PPP2R2B: variants seen among roughly 807,000 people sequenced by gnomAD.
PPP2R2B encodes protein phosphatase 2 regulatory subunit Bbeta.
PPP2R2B carries 5 observed loss-of-function variants against 46.0 expected under a neutral mutation model. The ratio of observed to expected loss-of-function variants is 0.11; its 90% CI spans 0.06 to 0.23. The LOEUF is 0.23. Ranked by LOEUF, PPP2R2B falls within the 10% of genes least tolerant of loss-of-function variation. PPP2R2B has a pLI of 1.00. For missense variants in PPP2R2B, 367 were observed against 575.0 expected, an observed-to-expected ratio of 0.64 and a Z score of 3.70; for synonymous variants, 215 against 206.7, an observed-to-expected ratio of 1.04 and a Z score of -0.34.
intron 1 of PPP2R2B, among the ~76,000 whole-genome samples, chr5:146,937,349 A>T (rs1203993280): frequency 2.0e-5 from 3 of 151,296 alleles, no homozygotes; most frequent in Non-Finnish European, 4.4e-5. Context: ...ACAGATAGAT[A>T]GGTAGTAAGT....
At chr5:146,726,412 G>C (rs970142341) in intron 2 of PPP2R2B, among the ~76,000 whole-genome samples, 6 of 152,114 alleles carry the variant, frequency 3.9e-5, no homozygotes, top group Admixed American at 2.0e-4. Context: ...TTGGGATTGT[G>C]CAGAAGGGGA....
intron 1 of PPP2R2B, among the ~76,000 whole-genome samples, chr5:146,897,124 G>A (rs922112908): frequency 3.9e-5 from 6 of 152,156 alleles, no homozygotes; most frequent in African/African-American, 1.4e-4. Flanking sequence ...AGTGAACGAT[G>A]CATTTCATGT....
chr5:146,655,547 A>G (rs1776270405), intron 5 of PPP2R2B, among the ~76,000 whole-genome samples: 3 of 152,216 alleles, frequency 2.0e-5, no homozygotes, highest in Non-Finnish European at 2.9e-5. Flanking sequence ...TTAACTTGGT[A>G]GATGTTACAA....
chr5:146,658,710 T>C (rs1581811071), intron 5 of PPP2R2B, among the ~76,000 whole-genome samples: 1 of 152,212 alleles, frequency 6.6e-6, no homozygotes, highest in East Asian at 1.9e-4. Flanking sequence ...AAGAAAGATA[T>C]AGAAGATGTA....
chr5:146,953,227 TCTC>T (rs2151836824), intron 1 of PPP2R2B, among the ~76,000 whole-genome samples: 1 of 152,322 alleles, frequency 6.6e-6, no homozygotes, highest in African/African-American at 2.4e-5. Flanking sequence ...AAGCATTTAC[TCTC>T]CTCATTTGCT....
At chr5:146,638,438 G>A in intron 6 of PPP2R2B, 23 bp from the exon 7 acceptor site, 1 of 1,560,346 alleles carries the variant, frequency 6.4e-7, no homozygotes, top group Admixed American at 1.7e-5. Flanking sequence ...AGTCAAGGAA[G>A]GAACCAGGAG....
chr5:146,939,648 T>C (rs1423908244), intron 1 of PPP2R2B, among the ~76,000 whole-genome samples: 1 of 152,220 alleles, frequency 6.6e-6, no homozygotes, highest in Non-Finnish European at 1.5e-5. Context: ...TCCTGCTTCA[T>C]AGAGGAAACA....
At chr5:146,970,696 G>A (rs1752625983) in intron 1 of PPP2R2B, among the ~76,000 whole-genome samples, 1 of 152,112 alleles carries the variant, frequency 6.6e-6, no homozygotes, top group Non-Finnish European at 1.5e-5. Flanking sequence ...CAAAGGAGAT[G>A]GTAAAGGGAG....
At chr5:146,616,223 C>G (rs903854456) in intron 7 of PPP2R2B, among the ~76,000 whole-genome samples, 3 of 152,164 alleles carry the variant, frequency 2.0e-5, no homozygotes, top group Admixed American at 1.3e-4. Flanking sequence ...TCAACATATA[C>G]AAAAGTCAAA....
chr5:146,852,319 C>A (rs1483610017), intron 2 of PPP2R2B, among the ~76,000 whole-genome samples: 2 of 152,118 alleles, frequency 1.3e-5, no homozygotes, highest in Non-Finnish European at 2.9e-5. Context: ...TGTTTACACT[C>A]CTGAACAAAT....
chr5:146,946,173 A>G (rs1582475747), intron 1 of PPP2R2B, among the ~76,000 whole-genome samples: 1 of 152,184 alleles, frequency 6.6e-6, no homozygotes, highest in African/African-American at 2.4e-5. Flanking sequence ...AGGACATACA[A>G]TTAGCTAGTA....
intron 1 of PPP2R2B, among the ~76,000 whole-genome samples, chr5:147,008,445 G>C (rs917692976): frequency 1.3e-5 from 2 of 151,970 alleles, no homozygotes; most frequent in African/African-American, 4.8e-5. Flanking sequence ...CTTCACCCTG[G>C]TGTCTATGCT....
At chr5:147,003,069 G>T (rs949816414) in intron 1 of PPP2R2B, among the ~76,000 whole-genome samples, 5 of 152,110 alleles carry the variant, frequency 3.3e-5, no homozygotes, top group Admixed American at 2.0e-4. Context: ...CGATCCTGCA[G>T]GTTGACCTTT....
intron 1 of PPP2R2B, among the ~76,000 whole-genome samples, chr5:146,900,993 T>C (rs1762818034): frequency 6.6e-6 from 1 of 152,206 alleles, no homozygotes; most frequent in Non-Finnish European, 1.5e-5. Flanking sequence ...TAGTATTCCA[T>C]GGTATATATG....
intron 7 of PPP2R2B, among the ~76,000 whole-genome samples, chr5:146,628,584 T>A (rs907860112): frequency 2.6e-5 from 4 of 152,066 alleles, no homozygotes; most frequent in Admixed American, 2.6e-4. Context: ...AGACATTACC[T>A]CTCAATAAGA....
intron 7 of PPP2R2B, among the ~76,000 whole-genome samples, chr5:146,603,302 C>T (rs1771954493): frequency 6.6e-6 from 1 of 152,196 alleles, no homozygotes; most frequent in African/African-American, 2.4e-5. Context: ...AGAATGTTTA[C>T]ATTTTCTCTT....
At chr5:146,834,807 AT>A (rs1759177864) in intron 2 of PPP2R2B, among the ~76,000 whole-genome samples, 1 of 151,894 alleles carries the variant, frequency 6.6e-6, no homozygotes, top group Non-Finnish European at 1.5e-5. Context: ...CTCAGTGTCT[AT>A]TTTTCCCCTC....
chr5:146,591,799 A>T (rs1056425096), intron 9 of PPP2R2B, among the ~76,000 whole-genome samples: 9 of 152,002 alleles, frequency 5.9e-5, no homozygotes, highest in Non-Finnish European at 1.2e-4. Context: ...TGTCTCTACT[A>T]CTTACTACTT....
intron 5 of PPP2R2B, 82 bp downstream of exon 5, chr5:146,691,046 A>G: frequency 1.6e-6 from 2 of 1,214,748 alleles, no homozygotes. Context: ...TATAGTTGCA[A>G]CCTACAGTAA....
Sources: allele counts gnomAD v4.1 joint callset (sites outside exome capture counted in the v4.1 genomes callset), GRCh38; gene constraint gnomAD v4.1.1; transcripts MANE v1.5; gene names NCBI Gene and HGNC (gene_info 2026-07-23, HGNC 2026-07-21).